Variants in SAMD12 observed in about 807,000 individuals in gnomAD.
SAMD12 encodes the protein sterile alpha motif domain containing 12, also known as sterile alpha motif domain-containing protein 12.
Under a neutral mutation model 15.0 loss-of-function variants are expected in SAMD12, and 9 were observed. The ratio of observed to expected loss-of-function variants is 0.60; its 90% CI spans 0.36 to 1.05. SAMD12 has a LOEUF of 1.05. Ranked by LOEUF, SAMD12 falls within the 50% of genes least tolerant of loss-of-function variation. The probability of loss-of-function intolerance (pLI) is 0.01; values close to 1 mark genes in which losing one functional copy is unlikely to be tolerated. For missense variants in SAMD12, 230 were observed against 234.2 expected, an observed-to-expected ratio of 0.98 and a Z score of 0.12; for synonymous variants, 86 against 90.1, an observed-to-expected ratio of 0.96 and a Z score of 0.25.
In SAMD12 at chr8:118,357,971, C is replaced by A. The variant is rs566070806; in HGVS notation, c.433+21589G>T. Reference sequence around the variant, plus strand: ...CCAGTGTGGGCAATGTAGTGAGACACCATCTCTACAAAAAATAAAAAAAAT... The same window carrying A: ...CCAGTGTGGGCAATGTAGTGAGACAACATCTCTACAAAAAATAAAAAAAAT... On this transcript the variant is annotated intron_variant, in intron 4 of 4. Transcript: ENST00000409003. Among the ~76,000 whole-genome samples the A allele has an allele frequency of 7.9e-5, 12 of 152,060 alleles. No homozygotes were observed. In the South Asian group the frequency reaches 2.1e-3, roughly 26 times the overall value.
chr8:118,380,812 C>G (rs1819632870), intron 3 of SAMD12, among the ~76,000 whole-genome samples: 1 of 152,178 alleles, frequency 6.6e-6, no homozygotes, highest in African/African-American at 2.4e-5. Flanking sequence ...CTTCTAGTTT[C>G]CTTCCTTTTA....
At chr8:118,548,981 G>A (rs879726661) in intron 2 of SAMD12, among the ~76,000 whole-genome samples, 5 of 152,168 alleles carry the variant, frequency 3.3e-5, no homozygotes, top group South Asian at 2.1e-4. Context: ...GGGGAGGGGC[G>A]CCCGCCATTG....
rs145512109 is a variant in SAMD12, at chr8:118,492,519, C to G, written c.193-52558G>C. Among the ~76,000 whole-genome samples, 413 of 152,178 alleles carry G rather than the reference C, an allele frequency of 2.7e-3. 7 individuals are homozygous for G. Among genetic ancestry groups the G allele is most frequent in the African/African-American group, 9.3e-3 (386 of 41,508 alleles). ...GGGGGGATTCATTCATTTGAAGAAGCCATTTCTTTGCTCATGCTATCTCCA... is the reference window on the plus strand; with the variant it reads ...GGGGGGATTCATTCATTTGAAGAAGGCATTTCTTTGCTCATGCTATCTCCA... On this transcript the variant is annotated intron_variant, in intron 2 of 3. Coordinates refer to ENST00000314727, the MANE Select transcript of SAMD12 (RefSeq NM_207506.3).
chr8:118,382,906 A>T (rs1481284850), intron 3 of SAMD12, among the ~76,000 whole-genome samples: 1 of 152,178 alleles, frequency 6.6e-6, no homozygotes, highest in Non-Finnish European at 1.5e-5. Flanking sequence ...TTATTAACAA[A>T]ATCCGATTCA....
In SAMD12 at chr8:118,563,186, C is replaced by T. The variant is rs903145105; in HGVS notation, c.192+17529G>A. Among the ~76,000 whole-genome samples, 9 of 152,202 alleles carry T rather than the reference C, an allele frequency of 5.9e-5. No homozygotes were observed. The East Asian group carries it at 1.2e-3, about 20-fold the overall frequency. Reference sequence around the variant, plus strand: ...AGAGATGATGAATTTAAAAGCAAGCCGCCTATTTCATAAATTTGGTGATGG... The same window carrying T: ...AGAGATGATGAATTTAAAAGCAAGCTGCCTATTTCATAAATTTGGTGATGG... On this transcript the variant is annotated intron_variant, in intron 2 of 3. Coordinates refer to ENST00000314727, the MANE Select transcript of SAMD12 (RefSeq NM_207506.3).
Position 118,281,122 on chromosome 8 carries a change from C to A in SAMD12, c.434-83390G>T, listed in dbSNP as rs556034953. ...ATTTCTCTTTTAGAAATATGGAAACCGAGACACATTTTCCTAAAGTCAAAA... is the reference window on the plus strand; with the variant it reads ...ATTTCTCTTTTAGAAATATGGAAACAGAGACACATTTTCCTAAAGTCAAAA... On this transcript the variant is annotated intron_variant, in intron 4 of 4. Coordinates refer to the SAMD12 transcript ENST00000409003. 4.2e-4 allele frequency among the ~76,000 whole-genome samples: 64 copies of A among 152,076 alleles called. 1 individual carries two copies. In the Middle Eastern group the frequency reaches 0.01, roughly 24 times the overall value.
downstream of SAMD12, among the ~76,000 whole-genome samples, chr8:118,377,049 CT>C (rs1819425318): frequency 6.6e-6 from 1 of 151,552 alleles, no homozygotes; most frequent in Non-Finnish European, 1.5e-5. Flanking sequence ...AAAAAAGAAA[CT>C]ATTACTTCAA....
At chr8:118,609,691 A>G (rs145729613) in intron 1 of SAMD12, among the ~76,000 whole-genome samples, 8 of 152,290 alleles carry the variant, frequency 5.3e-5, no homozygotes, top group Non-Finnish European at 1.2e-4. Flanking sequence ...CCCTATTATT[A>G]CATTACTTCA....
At chr8:118,251,167 C>A (rs766982500) in intron 4 of SAMD12, among the ~76,000 whole-genome samples, 10 of 152,030 alleles carry the variant, frequency 6.6e-5, no homozygotes, top group Admixed American at 2.0e-4. Flanking sequence ...GGGTGAGGAG[C>A]AGAAATCAGG....
chr8:118,227,332 A>G (rs1454766534), intron 4 of SAMD12, among the ~76,000 whole-genome samples: 1 of 152,160 alleles, frequency 6.6e-6, no homozygotes, highest in Non-Finnish European at 1.5e-5. Context: ...TCGTGGACAT[A>G]AAGAAGGGAA....
intron 4 of SAMD12, among the ~76,000 whole-genome samples, chr8:118,327,176 C>CTG (rs1465168771): frequency 1.3e-5 from 2 of 152,136 alleles, no homozygotes; most frequent in African/African-American, 4.8e-5. Context: ...CTTTTTGTTT[C>CTG]TGTGTGTGTG....
intron 2 of SAMD12, among the ~76,000 whole-genome samples, chr8:118,550,515 G>A (rs971397881): frequency 3.9e-5 from 6 of 152,116 alleles, no homozygotes; most frequent in Non-Finnish European, 7.3e-5. Flanking sequence ...CCCTAAAAGA[G>A]CTCCTGAAGG....
At chr8:118,227,359 T>C (rs1812210477) in intron 4 of SAMD12, among the ~76,000 whole-genome samples, 1 of 152,010 alleles carries the variant, frequency 6.6e-6, no homozygotes, top group South Asian at 2.1e-4. Flanking sequence ...ACATTGGGGC[T>C]TACTTGAGGG....
At chr8:118,522,177 CATACACACACACACACACACAT>C (rs1325368952) in intron 2 of SAMD12, among the ~76,000 whole-genome samples, 1 of 141,878 alleles carries the variant, frequency 7.0e-6, no homozygotes, top group African/African-American at 2.8e-5. Flanking sequence ...CACACACACA[CATACACACACACACACACACAT>C]ACACACACAC....
At chr8:118,471,777 T>C (rs755609904) in intron 2 of SAMD12, among the ~76,000 whole-genome samples, 11 of 152,174 alleles carry the variant, frequency 7.2e-5, no homozygotes, top group Non-Finnish European at 1.6e-4. Flanking sequence ...ATGGCAGTAG[T>C]GGTGGTGACC....
the SAMD12 span, among the ~76,000 whole-genome samples, chr8:118,134,066 G>C: frequency 1.1e-4 from 17 of 152,188 alleles, no homozygotes; most frequent in Admixed American, 1.1e-3. Context: ...TGGTACTGAG[G>C]TTACTAAATT....
the SAMD12 span, among the ~76,000 whole-genome samples, chr8:118,166,627 G>GC: frequency 6.6e-6 from 1 of 152,206 alleles, no homozygotes; most frequent in Non-Finnish European, 1.5e-5. Flanking sequence ...GATGCACAAA[G>GC]CTGTTAAAAG....
chr8:118,167,227 G>A, the SAMD12 span, among the ~76,000 whole-genome samples: 1 of 151,546 alleles, frequency 6.6e-6, no homozygotes, highest in African/African-American at 2.4e-5. Context: ...TCAGAGACAT[G>A]GTCTGATGTT....
At chr8:118,355,301 TTGTA>T (rs572136117) in intron 4 of SAMD12, among the ~76,000 whole-genome samples, 2 of 152,158 alleles carry the variant, frequency 1.3e-5, no homozygotes, top group South Asian at 4.1e-4. Flanking sequence ...AAGCCAAACA[TTGTA>T]TGTTCTCACT....
Sources: gnomAD v4.1 joint callset for allele counts (sites outside exome capture counted in the v4.1 genomes callset) on GRCh38, gnomAD v4.1.1 for gene constraint, MANE v1.5 for transcripts, NCBI Gene and HGNC (gene_info 2026-07-23, HGNC 2026-07-21) for gene names.